The following FAM13A variants were observed in gnomAD, a reference collection of about 807,000 sequenced individuals.
FAM13A encodes the protein family with sequence similarity 13 member A, also known as protein FAM13A.
In FAM13A, 76 loss-of-function variants were observed where a neutral mutation model predicts 129.6. The observed-to-expected ratio is 0.59, with a 90% CI of 0.49 to 0.71. The LOEUF (loss-of-function observed/expected upper bound fraction) is 0.71, where lower values mean the gene tolerates loss of function less well. Ranked by LOEUF, FAM13A falls within the 30% of genes least tolerant of loss-of-function variation. FAM13A has a pLI of 0.00. For missense variants in FAM13A, 1,108 were observed against 1,249.3 expected (o/e 0.89, Z 1.70); for synonymous variants, 443 against 449.9 (o/e 0.98, Z 0.20).
chr4:88,790,750 T>C lies in FAM13A; in HGVS notation c.1050-123A>G, dbSNP rs570930368. On this transcript the variant is annotated intron_variant, in intron 8 of 23. Transcript: ENST00000264344. Reference sequence around the variant, plus strand: ...CAGTCCCAAGTGATCCCCAAAACAATGTTTAACCATCCAATGAAAGATGCT... The same window carrying C: ...CAGTCCCAAGTGATCCCCAAAACAACGTTTAACCATCCAATGAAAGATGCT... 4.4e-4 allele frequency: 332 copies of C among 748,884 alleles called. 5 individuals carry two copies. In the South Asian group the frequency reaches 5.5e-3, roughly 12 times the overall value. The allele number at this position is 748,884 out of a possible 1,614,324, so 46.4% of individuals were successfully genotyped here. A position where few individuals can be genotyped will look rare whatever the true frequency, so the allele number is the denominator to read the frequency against.
intron 1 of FAM13A, among the ~76,000 whole-genome samples, chr4:89,049,313 T>C (rs893385967): frequency 1.3e-5 from 2 of 151,938 alleles, no homozygotes; most frequent in Non-Finnish European, 2.9e-5. Flanking sequence ...CTTAATGCAG[T>C]AGGAGAATTA....
intron 14 of FAM13A, among the ~76,000 whole-genome samples, chr4:88,756,620 C>A (rs571253643): frequency 4.6e-5 from 7 of 152,236 alleles, no homozygotes; most frequent in South Asian, 2.1e-4. Context: ...CTTTCGTTTA[C>A]ATATTTTGTT....
chr4:88,944,191 T>C (rs1755248996), intron 4 of FAM13A, among the ~76,000 whole-genome samples: 1 of 152,050 alleles, frequency 6.6e-6, no homozygotes, highest in South Asian at 2.1e-4. Context: ...AGTGAGACCC[T>C]CATTTTAAAA....
At chr4:88,900,068 C>CA (rs1747032403) in intron 6 of FAM13A, among the ~76,000 whole-genome samples, 1 of 151,884 alleles carries the variant, frequency 6.6e-6, no homozygotes, top group Non-Finnish European at 1.5e-5. Flanking sequence ...ATAAGACAGG[C>CA]AGACAAGAAT....
At chr4:89,024,610 C>T (rs1180786757) in intron 2 of FAM13A, among the ~76,000 whole-genome samples, 2 of 152,162 alleles carry the variant, frequency 1.3e-5, no homozygotes, top group African/African-American at 4.8e-5. Context: ...CCATGCCTGA[C>T]ATAGTGCTTA....
intron 4 of FAM13A, among the ~76,000 whole-genome samples, chr4:88,940,567 T>C (rs1754586645): frequency 6.6e-6 from 1 of 152,074 alleles, no homozygotes; most frequent in South Asian, 2.1e-4. Context: ...ACTCTCCAAA[T>C]AGAAAAGACA....
At chr4:88,865,519 T>G (rs1740231352) in intron 6 of FAM13A, among the ~76,000 whole-genome samples, 1 of 152,240 alleles carries the variant, frequency 6.6e-6, no homozygotes, top group Non-Finnish European at 1.5e-5. Context: ...TGAGTTTTAG[T>G]GCCTAGTAAC....
intron 13 of FAM13A, among the ~76,000 whole-genome samples, chr4:88,763,308 CAT>C (rs1454895336): frequency 2.0e-5 from 3 of 152,180 alleles, no homozygotes; most frequent in South Asian, 2.1e-4. Context: ...TTCATTCATT[CAT>C]ACATTTGGCA....
At chr4:89,041,112 A>C (rs550325939) in intron 1 of FAM13A, among the ~76,000 whole-genome samples, 35 of 152,364 alleles carry the variant, frequency 2.3e-4, no homozygotes, top group African/African-American at 7.5e-4. Context: ...GGAGATAAAG[A>C]GAGGTGTTAA....
intron 5 of FAM13A, among the ~76,000 whole-genome samples, chr4:88,911,142 C>T (rs1026654734): frequency 6.6e-6 from 1 of 152,168 alleles, no homozygotes; most frequent in African/African-American, 2.4e-5. Context: ...TGCTTTTAGT[C>T]CCTTCTTAAT....
At chr4:88,865,975 G>A (rs990834622) in intron 6 of FAM13A, among the ~76,000 whole-genome samples, 5 of 136,756 alleles carry the variant, frequency 3.7e-5, no homozygotes, top group Non-Finnish European at 7.6e-5. Flanking sequence ...GGGTTCAAGC[G>A]ATTTTCATGC....
rs149846800 is a variant in FAM13A at position 88,838,092 on chromosome 4, T to C, written c.1007+12928A>G. Among the ~76,000 whole-genome samples, 257 of 152,324 alleles carry C rather than the reference T, an allele frequency of 1.7e-3. 2 individuals carry two copies. The highest frequency in any genetic ancestry group is 5.6e-3 in the African/African-American group (232 of 41,582). On this transcript the variant is annotated intron_variant, in intron 7 of 23. Coordinates refer to ENST00000264344, the MANE Select transcript of FAM13A (RefSeq NM_014883.4). ...AGTAATCTAGAGATGATTTAAAGTA[T>C]ACAGGAAGATGTGCATAGGTTATAT...
intron 4 of FAM13A, among the ~76,000 whole-genome samples, chr4:88,945,964 C>CTG (rs763159585): frequency 0.29 from 20,596 of 70,820 alleles, 4,043 homozygotes; most frequent in East Asian, 0.43. Context: ...CACATAGTAT[C>CTG]TGTGTGTGTG....
At chr4:88,732,260 A>G in intron 21 of FAM13A, 62 bp from the exon 22 acceptor site, 1 of 1,196,292 alleles carries the variant, frequency 8.4e-7, no homozygotes, top group Non-Finnish European at 1.2e-6. Context: ...CTTTCATTAC[A>G]AGTATCATTT....
intron 3 of FAM13A, among the ~76,000 whole-genome samples, chr4:89,020,181 G>T (rs1041311945): frequency 6.6e-6 from 1 of 151,846 alleles, no homozygotes; most frequent in Non-Finnish European, 1.5e-5. Context: ...AAAATAACAA[G>T]GTGGTGGTTA....
intron 7 of FAM13A, among the ~76,000 whole-genome samples, chr4:88,823,674 A>G (rs3806788): frequency 0.42 from 63,496 of 152,048 alleles, 14,461 homozygotes; most frequent in African/African-American, 0.62. Context: ...ACGAAACAAA[A>G]ACACTAGCCT....
intron 16 of FAM13A, among the ~76,000 whole-genome samples, chr4:88,749,279 G>A (rs1742040572): frequency 6.6e-6 from 1 of 152,134 alleles, no homozygotes; most frequent in Admixed American, 6.5e-5. Context: ...AGTGACTTCT[G>A]TGAGGTCCAT....
At chr4:89,050,699 G>A (rs972824180) in intron 1 of FAM13A, among the ~76,000 whole-genome samples, 11 of 151,818 alleles carry the variant, frequency 7.2e-5, no homozygotes, top group East Asian at 1.9e-4. Context: ...AGGCCAAGGC[G>A]GGTGGATCAC....
intron 5 of FAM13A, among the ~76,000 whole-genome samples, chr4:88,921,919 GACTT>G (rs925064755): frequency 2.6e-5 from 4 of 151,966 alleles, no homozygotes; most frequent in Admixed American, 2.6e-4. Flanking sequence ...TGATAAAACA[GACTT>G]TAAACCAACA....
Sources: gnomAD v4.1 joint callset for allele counts (sites outside exome capture counted in the v4.1 genomes callset) on GRCh38, gnomAD v4.1.1 for gene constraint, MANE v1.5 for transcripts, NCBI Gene and HGNC (gene_info 2026-07-23, HGNC 2026-07-21) for gene names.